Variants in MECOM observed in about 807,000 individuals in gnomAD.
MECOM encodes the protein histone-lysine N-methyltransferase MECOM.
Under a neutral mutation model 116.3 loss-of-function variants are expected in MECOM, and 13 were observed. The observed-to-expected ratio is 0.11, with a 90% CI of 0.07 to 0.18. MECOM has a LOEUF of 0.18. Ranked by LOEUF, MECOM falls within the 10% of genes least tolerant of loss-of-function variation. MECOM has a pLI of 1.00. For missense variants in MECOM, 1,299 were observed against 1,509.0 expected (o/e 0.86, Z 2.31); for synonymous variants, 528 against 535.2 (o/e 0.99, Z 0.19).
At chr3:169,205,261 C>T (rs955326191) in intron 2 of MECOM, among the ~76,000 whole-genome samples, 2 of 152,118 alleles carry the variant, frequency 1.3e-5, no homozygotes, top group Admixed American at 6.6e-5. Flanking sequence ...TCTTAACTAT[C>T]GAGTTTCTAG....
At chr3:169,598,431 A>C (rs2109713353) in intron 1 of MECOM, among the ~76,000 whole-genome samples, 1 of 152,370 alleles carries the variant, frequency 6.6e-6, no homozygotes, top group Middle Eastern at 3.4e-3. Flanking sequence ...ATTCAATCTC[A>C]TACAAGAACC....
chr3:169,493,526 G>A (rs1343057061), intron 1 of MECOM, among the ~76,000 whole-genome samples: 1 of 151,638 alleles, frequency 6.6e-6, no homozygotes, highest in East Asian at 1.9e-4. Flanking sequence ...ATATATGTAT[G>A]TATGTAAGAC....
At chr3:169,275,786 T>A (rs762156691) in intron 2 of MECOM, among the ~76,000 whole-genome samples, 1 of 152,326 alleles carries the variant, frequency 6.6e-6, no homozygotes, top group Non-Finnish European at 1.5e-5. Flanking sequence ...TTCTCAAAAG[T>A]ACTCCTGATT....
chr3:169,171,806 G>C lies in MECOM; in HGVS notation c.376-27974C>G, dbSNP rs578216959. ...TAGAAGAGCAAACTATTAAAATACA[G>C]ATGAAGGGGCAGGGCAGGGGAAAAC... On this transcript the variant is annotated intron_variant, in intron 2 of 16. Transcript: ENST00000651503. Among the ~76,000 whole-genome samples the C allele has an allele frequency of 2.6e-5, 4 of 152,126 alleles. No homozygotes were observed. The South Asian group carries it at 8.3e-4, about 32-fold the overall frequency.
chr3:169,201,408 G>T (rs1749134877), intron 2 of MECOM, among the ~76,000 whole-genome samples: 1 of 151,924 alleles, frequency 6.6e-6, no homozygotes, highest in Admixed American at 6.6e-5. Context: ...TAAAATTATG[G>T]TTATACTATT....
chr3:169,531,384 C>G (rs1237275371), intron 1 of MECOM, among the ~76,000 whole-genome samples: 3 of 152,192 alleles, frequency 2.0e-5, no homozygotes, highest in Admixed American at 2.0e-4. Flanking sequence ...CTTGTCTCCT[C>G]ATTATATTAA....
At chr3:169,654,813 AACAC>A (rs10622808) in intron 1 of MECOM, among the ~76,000 whole-genome samples, 37 of 147,996 alleles carry the variant, frequency 2.5e-4, no homozygotes, top group Admixed American at 4.7e-4. Context: ...CACCTATCAA[AACAC>A]ACACACACAC....
At chr3:169,425,108 C>CT (rs397877353) in intron 1 of MECOM, among the ~76,000 whole-genome samples, 3 of 150,688 alleles carry the variant, frequency 2.0e-5, no homozygotes, top group Non-Finnish European at 4.4e-5. Context: ...AACCCCCCCC[C>CT]ACTTGCATGT....
chr3:169,654,842 A>ACACACG (rs71166259), intron 1 of MECOM, among the ~76,000 whole-genome samples: 2 of 151,844 alleles, frequency 1.3e-5, no homozygotes, highest in Non-Finnish European at 2.9e-5. Flanking sequence ...ACACACACAC[A>ACACACG]TATTAACTTG....
intron 2 of MECOM, among the ~76,000 whole-genome samples, chr3:169,175,669 A>G (rs1262727227): frequency 2.0e-5 from 3 of 152,146 alleles, no homozygotes; most frequent in Non-Finnish European, 4.4e-5. Context: ...ATTTAAGTGG[A>G]CCATTTCTAG....
chr3:169,169,706 C>T (rs1744120737), intron 2 of MECOM, among the ~76,000 whole-genome samples: 2 of 152,206 alleles, frequency 1.3e-5, no homozygotes, highest in East Asian at 1.9e-4. Context: ...AAGAAGTAAC[C>T]TTTAGTTTCC....
In MECOM at chr3:169,624,164, C is replaced by T. The variant is rs1771082378; in HGVS notation, c.37+39172G>A. 4.6e-5 allele frequency among the ~76,000 whole-genome samples: 7 copies of T among 152,216 alleles called. 1 individual carries two copies. The South Asian group carries it at 1.4e-3, about 31-fold the overall frequency. On this transcript the variant is annotated intron_variant, in intron 1 of 16. Coordinates refer to ENST00000651503, the MANE Select transcript of MECOM (RefSeq NM_004991.4). ...GAAGGCGCAGGGGCCTAGCATACCACGTTACCCTGCCCTTCACTTAACACC... is the reference window on the plus strand; with the variant it reads ...GAAGGCGCAGGGGCCTAGCATACCATGTTACCCTGCCCTTCACTTAACACC...
At chr3:169,190,763 A>C (rs1747415926) in intron 2 of MECOM, among the ~76,000 whole-genome samples, 1 of 152,056 alleles carries the variant, frequency 6.6e-6, no homozygotes, top group African/African-American at 2.4e-5. Flanking sequence ...TTTAACTCAG[A>C]GAAGTTTGGA....
intron 1 of MECOM, among the ~76,000 whole-genome samples, chr3:169,490,349 T>G (rs961340509): frequency 6.6e-6 from 1 of 152,136 alleles, no homozygotes; most frequent in African/African-American, 2.4e-5. Context: ...AAGGTATCGA[T>G]CTTGAAAAAT....
At chr3:169,197,112 T>A (rs1199116142) in intron 2 of MECOM, among the ~76,000 whole-genome samples, 1 of 151,774 alleles carries the variant, frequency 6.6e-6, no homozygotes, top group African/African-American at 2.4e-5. Context: ...GAGCTAAACA[T>A]CAAGAACTCA....
At chr3:169,134,936 C>A (rs1245711988) in intron 3 of MECOM, among the ~76,000 whole-genome samples, 2 of 152,024 alleles carry the variant, frequency 1.3e-5, no homozygotes, top group African/African-American at 4.8e-5. Flanking sequence ...AGAAAATATA[C>A]TTTTATGTTA....
At chr3:169,287,379 T>C (rs895726471) in intron 2 of MECOM, among the ~76,000 whole-genome samples, 2 of 152,188 alleles carry the variant, frequency 1.3e-5, no homozygotes, top group Admixed American at 6.5e-5. Flanking sequence ...TTTTTTTGTT[T>C]TGCTGGAAAA....
intron 1 of MECOM, among the ~76,000 whole-genome samples, chr3:169,526,962 G>A (rs1758034888): frequency 6.6e-6 from 1 of 152,146 alleles, no homozygotes; most frequent in South Asian, 2.1e-4. Flanking sequence ...ATCACAGTCA[G>A]ATGAAAGAAA....
At chr3:169,606,428 AAGAAAT>A (rs1255683832) in intron 1 of MECOM, among the ~76,000 whole-genome samples, 2 of 151,932 alleles carry the variant, frequency 1.3e-5, no homozygotes, top group Non-Finnish European at 2.9e-5. Flanking sequence ...AAAAAAGAAA[AAGAAAT>A]GAAAGAAATT....
Sources: allele counts gnomAD v4.1 joint callset (sites outside exome capture counted in the v4.1 genomes callset), GRCh38; gene constraint gnomAD v4.1.1; transcripts MANE v1.5; gene names NCBI Gene and HGNC (gene_info 2026-07-23, HGNC 2026-07-21).